The following SUFU variants were observed in gnomAD, a reference collection of about 807,000 sequenced individuals.
The protein encoded by SUFU is suppressor of fused homolog.
SUFU carries 7 observed loss-of-function variants against 58.9 expected under a neutral mutation model. The observed-to-expected ratio is 0.12, with a 90% confidence interval of 0.07 to 0.22. The LOEUF is 0.22. SUFU is among the 10% of genes least tolerant of loss of function. The pLI is 1.00. For missense variants in SUFU, 451 were observed against 641.3 expected (o/e 0.70, Z 3.20); for synonymous variants, 232 against 254.8 (o/e 0.91, Z 0.85).
At chr10:102,556,484 T>G (rs2062978661) in intron 3 of SUFU, among the ~76,000 whole-genome samples, 1 of 152,220 alleles carries the variant, frequency 6.6e-6, no homozygotes, top group African/African-American at 2.4e-5. Flanking sequence ...GCCTCAGGCC[T>G]GTAATCCCAG....
chr10:102,503,194 G>A (rs1239013879), upstream of SUFU, among the ~76,000 whole-genome samples: 1 of 152,170 alleles, frequency 6.6e-6, no homozygotes, highest in Non-Finnish European at 1.5e-5. Flanking sequence ...GTTAACACAC[G>A]TACGCGAGAG....
intron 2 of SUFU, among the ~76,000 whole-genome samples, chr10:102,534,417 ACT>A (rs1395073383): frequency 4.0e-5 from 6 of 151,718 alleles, no homozygotes; most frequent in African/African-American, 1.2e-4. Flanking sequence ...ACAGAGCGAG[ACT>A]CTGTCTCAAA....
chr10:102,541,534 A>C (rs1363518150), intron 2 of SUFU, among the ~76,000 whole-genome samples: 1 of 146,102 alleles, frequency 6.8e-6, no homozygotes, highest in Non-Finnish European at 1.5e-5. Flanking sequence ...TAGTAGCTGG[A>C]ACTACAGGCA....
intron 2 of SUFU, among the ~76,000 whole-genome samples, chr10:102,530,262 C>T (rs1284886991): frequency 6.6e-6 from 1 of 151,962 alleles, no homozygotes; most frequent in Admixed American, 6.6e-5. Context: ...GCAGTTTCCA[C>T]CTAAGTCCAC....
intron 9 of SUFU, among the ~76,000 whole-genome samples, chr10:102,616,890 C>T (rs1331506253): frequency 4.6e-5 from 7 of 152,214 alleles, no homozygotes; most frequent in African/African-American, 1.2e-4. Flanking sequence ...CTTGTCTAGA[C>T]GCTACTTCAC....
intron 2 of SUFU, among the ~76,000 whole-genome samples, chr10:102,514,489 A>G (rs567185575): frequency 2.4e-4 from 37 of 152,352 alleles, no homozygotes; most frequent in African/African-American, 8.9e-4. Flanking sequence ...TTAAGAAGCC[A>G]TTTCTGAAGT....
chr10:102,600,417 C>G (rs2135891453), intron 8 of SUFU, among the ~76,000 whole-genome samples: 1 of 152,266 alleles, frequency 6.6e-6, no homozygotes, highest in South Asian at 2.1e-4. Flanking sequence ...CCTAGGGGGC[C>G]ATCTGGGGTG....
intron 3 of SUFU, among the ~76,000 whole-genome samples, chr10:102,581,209 A>AAAGAAG (rs1427640500): frequency 1.2e-4 from 12 of 96,384 alleles, no homozygotes; most frequent in African/African-American, 4.6e-4. Flanking sequence ...AAAAAAAAAA[A>AAAGAAG]AAGAAGAAGA....
chr10:102,604,920 C>CT (rs769490548), intron 8 of SUFU, among the ~76,000 whole-genome samples: 2 of 86,416 alleles, frequency 2.3e-5, no homozygotes. Context: ...AAAATATTGC[C>CT]TTTTTTTTTT....
intron 8 of SUFU, among the ~76,000 whole-genome samples, chr10:102,612,749 T>C (rs2063639698): frequency 6.6e-6 from 1 of 152,140 alleles, no homozygotes; most frequent in Non-Finnish European, 1.5e-5. Flanking sequence ...GGGGAGTGAT[T>C]GTGAGAGTCA....
chr10:102,563,322 C>G (rs1300462495), intron 3 of SUFU, among the ~76,000 whole-genome samples: 1 of 151,986 alleles, frequency 6.6e-6, no homozygotes, highest in Non-Finnish European at 1.5e-5. Context: ...ATATTTGATT[C>G]CATAAGATCA....
intron 3 of SUFU, among the ~76,000 whole-genome samples, chr10:102,559,704 G>C (rs1305952573): frequency 1.3e-5 from 2 of 151,886 alleles, no homozygotes; most frequent in Non-Finnish European, 2.9e-5. Flanking sequence ...CCATCCTCTG[G>C]GTTTCATTAG....
At chr10:102,521,075 T>C (rs2062545891) in intron 2 of SUFU, among the ~76,000 whole-genome samples, 1 of 152,250 alleles carries the variant, frequency 6.6e-6, no homozygotes, top group African/African-American at 2.4e-5. Context: ...CTATACCATT[T>C]TTCATTCCCA....
intron 8 of SUFU, among the ~76,000 whole-genome samples, chr10:102,612,480 G>A (rs1215861113): frequency 1.3e-5 from 2 of 152,086 alleles, no homozygotes. Flanking sequence ...AGTGTGTTGT[G>A]GCAGTTACCA....
intron 3 of SUFU, among the ~76,000 whole-genome samples, chr10:102,576,275 T>A (rs1347993454): frequency 6.6e-6 from 1 of 152,152 alleles, no homozygotes; most frequent in African/African-American, 2.4e-5. Flanking sequence ...CTTGCCAGAT[T>A]TTTTTCTATG....
In SUFU at chr10:102,597,236, G is replaced by A. The variant is rs376865220; in HGVS notation, c.853G>A (p.Asp285Asn). 6.2e-7 allele frequency: 1 copy of A among 1,613,918 alleles called. No homozygotes were observed. Among genetic ancestry groups the A allele is most frequent in the African/African-American group, 1.3e-5 (1 of 74,886 alleles). Residue 285 changes from aspartate (D) to asparagine (N), a missense_variant, in exon 7 of 12, where the codon GAC becomes AAC. Transcript: ENST00000369902. ...TGACCTGAGCCGGCCCCCCGAGGAT[G>A]ACGAGGACAGCCGGAGCATCTGCAT... ...WDDLSRPPEDDEDSRSICIGT... is the reference protein window; with the variant it reads ...WDDLSRPPEDNEDSRSICIGT...
intron 2 of SUFU, among the ~76,000 whole-genome samples, chr10:102,547,764 G>T (rs1157115660): frequency 6.6e-6 from 1 of 152,084 alleles, no homozygotes; most frequent in Non-Finnish European, 1.5e-5. Context: ...CAAGGCTACA[G>T]TGAGCCATGT....
At chr10:102,531,722 A>G (rs755454123) in intron 2 of SUFU, among the ~76,000 whole-genome samples, 12 of 152,180 alleles carry the variant, frequency 7.9e-5, no homozygotes, top group Non-Finnish European at 1.3e-4. Flanking sequence ...AAGGAATAGC[A>G]TAGGGGATAG....
intron 3 of SUFU, among the ~76,000 whole-genome samples, chr10:102,587,067 T>C (rs1310797885): frequency 1.3e-5 from 2 of 152,396 alleles, no homozygotes; most frequent in East Asian, 3.9e-4. Context: ...TATTCCATTG[T>C]GTGTAAATAC....
Sources: gnomAD v4.1 joint callset for allele counts (sites outside exome capture counted in the v4.1 genomes callset) on GRCh38, gnomAD v4.1.1 for gene constraint, MANE v1.5 for transcripts, NCBI Gene and HGNC (gene_info 2026-07-23, HGNC 2026-07-21) for gene names.